CD3G: variants seen among roughly 807,000 people sequenced by gnomAD.
The protein encoded by CD3G is CD3 gamma subunit of T-cell receptor complex.
A neutral mutation model predicts 28.3 loss-of-function variants in CD3G; 24 were observed. That is an observed-to-expected ratio of 0.85 (90% CI 0.61 to 1.19). The LOEUF is 1.19. Ranked by LOEUF, CD3G falls within the 50% of genes most tolerant of loss-of-function variation. CD3G has a pLI of 0.00. For synonymous variants in CD3G, 71 were observed against 75.9 expected (o/e 0.93, Z 0.34); for missense variants, 211 against 210.0 (o/e 1.00, Z -0.03).
intron 1 of CD3G, among the ~76,000 whole-genome samples, chr11:118,348,749 C>T (rs1948379264): frequency 6.6e-6 from 1 of 152,172 alleles, no homozygotes; most frequent in African/African-American, 2.4e-5. Flanking sequence ...TCTAAGGATC[C>T]ACCACAGATA....
Position 118,349,751 on chromosome 11 carries a change from T to C in CD3G, c.88T>C (p.Leu30=). The C allele has an allele frequency of 1.9e-6, 3 of 1,613,330 alleles. No homozygotes were observed. The highest frequency in any genetic ancestry group is 2.5e-6 in the Non-Finnish European group (3 of 1,179,310). ...TLAQSIKGNH[L]VKVYDYQEDG... ...GGCTTTTCTCATTTCAGGAAACCACTTGGTTAAGGTGTATGACTATCAAGA... is the reference window on the plus strand; with the variant it reads ...GGCTTTTCTCATTTCAGGAAACCACCTGGTTAAGGTGTATGACTATCAAGA... The change falls in exon 3 of 7, where the codon TTG becomes CTG. Residue 30 remains leucine (L), a synonymous_variant. Coordinates refer to ENST00000532917, the MANE Select transcript of CD3G (RefSeq NM_000073.3).
chr11:118,348,906 C>T, intron 1 of CD3G, 121 bp from the exon 2 acceptor site: 1 of 1,109,436 alleles, frequency 9.0e-7, no homozygotes, highest in Admixed American at 1.7e-5. Flanking sequence ...AGTATAGATA[C>T]TACCATTTTC....
At chr11:118,347,348 C>T (rs1248696672) in intron 1 of CD3G, among the ~76,000 whole-genome samples, 1 of 152,142 alleles carries the variant, frequency 6.6e-6, no homozygotes, top group African/African-American at 2.4e-5. Context: ...TAGCTTCTAC[C>T]CTTTTTTCAT....
chr11:118,344,347 C>T lies in CD3G; in HGVS notation c.-77C>T, dbSNP rs1169589187. On this transcript the variant is annotated 5_prime_UTR_variant, in exon 1 of 7. Coordinates refer to ENST00000532917, the MANE Select transcript of CD3G (RefSeq NM_000073.3). The stretch of plus-strand genomic sequence containing the variant: ...CCCAACAGTGATGGGTGGAGCCAGT[C>T]TAGCTGCTGCACAGGCTGGCTGGCT... The T allele has an allele frequency of 4.6e-6, 6 of 1,305,396 alleles. No homozygotes were observed. The highest frequency in any genetic ancestry group is 6.5e-6 in the Non-Finnish European group (6 of 925,870). The allele number at this position is 1,305,396 out of a possible 1,614,324, so 80.9% of individuals were successfully genotyped here.
At chr11:118,350,709 A>C (rs916270240) in intron 4 of CD3G, 26 bp downstream of exon 4, 1 of 1,613,500 alleles carries the variant, frequency 6.2e-7, no homozygotes, top group Non-Finnish European at 8.5e-7. Context: ...TAGATGAGAG[A>C]TGGGACCACC....
chr11:118,344,625 T>C (rs917432678), intron 1 of CD3G, 147 bp downstream of exon 1: 1 of 720,334 alleles, frequency 1.4e-6, no homozygotes, highest in African/African-American at 1.8e-5. Flanking sequence ...TGGAGGCTCT[T>C]AACTGTTCTC....
chr11:118,350,429 T>C (rs533281514), intron 3 of CD3G, 123 bp from the exon 4 acceptor site: 19 of 791,322 alleles, frequency 2.4e-5, no homozygotes, highest in African/African-American at 2.0e-4. Context: ...TCCCTTGCCC[T>C]GCCACCCACA....
chr11:118,349,707 A>T, intron 2 of CD3G, 36 bp from the exon 3 acceptor site: 1 of 1,501,126 alleles, frequency 6.7e-7, no homozygotes, highest in Non-Finnish European at 9.3e-7. Flanking sequence ...TTCAGAGGCA[A>T]GATCCTTAAT....
chr11:118,351,346 C>T (rs1290489785), intron 4 of CD3G, among the ~76,000 whole-genome samples: 1 of 152,132 alleles, frequency 6.6e-6, no homozygotes, highest in Non-Finnish European at 1.5e-5. Flanking sequence ...TGAAGCCCCT[C>T]TTGTGGTCAC....
At chr11:118,351,093 C>A (rs1948405903) in intron 4 of CD3G, among the ~76,000 whole-genome samples, 1 of 145,172 alleles carries the variant, frequency 6.9e-6, no homozygotes, top group African/African-American at 2.6e-5. Context: ...GAGGCTGAGG[C>A]AGGAGAATGG....
intron 1 of CD3G, among the ~76,000 whole-genome samples, chr11:118,348,680 T>A (rs914387937): frequency 3.9e-5 from 6 of 152,178 alleles, no homozygotes; most frequent in African/African-American, 1.4e-4. Flanking sequence ...CCTCTTACCA[T>A]ATGGTTGGTC....
At chr11:118,350,970 C>T in intron 4 of CD3G, 1 of 812,202 alleles carries the variant, frequency 1.2e-6, no homozygotes, top group South Asian at 2.1e-5. Context: ...GGGCAGATCA[C>T]GAGGTCAGGA....
rs1041698102 is a variant in CD3G at position 118,352,571 on chromosome 11, A to G, written c.*18+84A>G. On this transcript the variant is annotated intron_variant, in intron 6 of 6. Transcript: ENST00000532917. ...GCTTCTAAGTCTAGCTCCCTTCCCTAAGCGGCTATAAGCATCAGACTCTGG... is the reference window on the plus strand; with the variant it reads ...GCTTCTAAGTCTAGCTCCCTTCCCTGAGCGGCTATAAGCATCAGACTCTGG... 3.7e-5 allele frequency: 33 copies of G among 904,066 alleles called. No individual in the cohort carries two copies. In the African/African-American group the frequency reaches 4.9e-4, roughly 13 times the overall value. 56.0% of individuals were successfully genotyped at this position (904,066 alleles called of 1,614,324 possible).
At chr11:118,347,835 G>C (rs1010315115) in intron 1 of CD3G, among the ~76,000 whole-genome samples, 1 of 152,100 alleles carries the variant, frequency 6.6e-6, no homozygotes, top group East Asian at 1.9e-4. Flanking sequence ...TGTCCAGGCT[G>C]GTGTCTAACT....
At chr11:118,350,414 G>C (rs533556794) in intron 3 of CD3G, 138 bp from the exon 4 acceptor site, 1 of 759,086 alleles carries the variant, frequency 1.3e-6, no homozygotes, top group South Asian at 1.4e-5. Flanking sequence ...TTGGCGCAAG[G>C]ATCTTCCCTT....
intron 4 of CD3G, chr11:118,350,889 G>GAAAAAAAAGAAAAAA (rs1948402175): frequency 1.9e-6 from 1 of 523,510 alleles, no homozygotes; most frequent in Non-Finnish European, 2.4e-6. Context: ...CTCCCTCTGT[G>GAAAAAAAAGAAAAAA]AAAAAAAAAA....
In CD3G at chr11:118,349,220, C is replaced by T. The variant is rs879446839; in HGVS notation, c.79+170C>T. On this transcript the variant is annotated intron_variant, in intron 2 of 6. Coordinates refer to ENST00000532917, the MANE Select transcript of CD3G (RefSeq NM_000073.3). Reference sequence around the variant, plus strand: ...ATCAGTGACCTGACATAACCTGTTCCGGGCAGCTTGCCTGTAGCTAAGCAT... The same window carrying T: ...ATCAGTGACCTGACATAACCTGTTCTGGGCAGCTTGCCTGTAGCTAAGCAT... The T allele has an allele frequency of 3.7e-5, 57 of 1,561,314 alleles. No homozygotes were observed. In the Admixed American group the frequency reaches 7.1e-4, roughly 19 times the overall value.
chr11:118,348,663 C>T (rs1294510502), intron 1 of CD3G, among the ~76,000 whole-genome samples: 1 of 152,202 alleles, frequency 6.6e-6, no homozygotes, highest in Non-Finnish European at 1.5e-5. Context: ...AGTTTCAAAG[C>T]TGCAATCCTC....
rs1304843428 is a variant in CD3G at position 118,349,037 on chromosome 11, C to T, written c.66C>T (p.Ala22=). 5 of 1,614,014 alleles carry T rather than the reference C, an allele frequency of 3.1e-6. No homozygotes were observed. The East Asian group carries it at 8.9e-5, about 29-fold the overall frequency. Residue 22 remains alanine, a synonymous_variant, in exon 2 of 7, where the codon GCC becomes GCT. Coordinates refer to ENST00000532917, the MANE Select transcript of CD3G (RefSeq NM_000073.3). ...LAIILLQGTL[A]QSIKGNHLVK... ...CTTCTGTCTTTACAGGTACTTTGGCCCAGTCAATCAAAGGTAGGAGAAATG... is the reference window on the plus strand; with the variant it reads ...CTTCTGTCTTTACAGGTACTTTGGCTCAGTCAATCAAAGGTAGGAGAAATG...
Sources: gnomAD v4.1 joint callset for allele counts (sites outside exome capture counted in the v4.1 genomes callset) on GRCh38, gnomAD v4.1.1 for gene constraint, MANE v1.5 for transcripts, NCBI Gene and HGNC (gene_info 2026-07-23, HGNC 2026-07-21) for gene names.